The following COBL variants were observed in gnomAD, a reference collection of about 807,000 sequenced individuals.
COBL encodes the protein protein cordon-bleu.
COBL carries 51 observed loss-of-function variants against 98.8 expected under a neutral mutation model. The observed-to-expected ratio is 0.52, with a 90% CI of 0.41 to 0.65. The LOEUF (loss-of-function observed/expected upper bound fraction) is 0.65. Ranked by LOEUF, COBL falls within the 30% of genes least tolerant of loss-of-function variation. COBL has a pLI of 0.00. For synonymous variants in COBL, 634 were observed against 651.7 expected (o/e 0.97, Z 0.41); for missense variants, 1,617 against 1,617.5 (o/e 1.00, Z 0.01).
At chr7:51,078,640 A>C (rs904128257) in intron 7 of COBL, among the ~76,000 whole-genome samples, 3 of 152,236 alleles carry the variant, frequency 2.0e-5, no homozygotes, top group African/African-American at 4.8e-5. Flanking sequence ...ACTATTCCAT[A>C]GTTTCTGTGA....
chr7:51,296,746 C>G (rs1398091531), intron 1 of COBL, among the ~76,000 whole-genome samples: 1 of 152,154 alleles, frequency 6.6e-6, no homozygotes, highest in Non-Finnish European at 1.5e-5. Context: ...AGCTTGCTTT[C>G]AATCTGGGCT....
chr7:51,296,405 T>C (rs556523798), intron 1 of COBL, among the ~76,000 whole-genome samples: 1 of 152,344 alleles, frequency 6.6e-6, no homozygotes, highest in East Asian at 1.9e-4. Context: ...TGGGAGATGT[T>C]TGATTAAATG....
chr7:51,120,598 G>A (rs1472139205), intron 6 of COBL, among the ~76,000 whole-genome samples: 2 of 152,120 alleles, frequency 1.3e-5, no homozygotes, highest in Non-Finnish European at 2.9e-5. Context: ...TTTTCATCTT[G>A]TAAAACTGAA....
intron 6 of COBL, among the ~76,000 whole-genome samples, chr7:51,106,038 C>CAA (rs527330225): frequency 0.15 from 18,982 of 123,438 alleles, 1,574 homozygotes; most frequent in Middle Eastern, 0.21. Flanking sequence ...ACTAAAAATA[C>CAA]AAAAAAAAAA....
At chr7:51,240,617 G>T (rs547266934) in intron 1 of COBL, among the ~76,000 whole-genome samples, 1 of 152,218 alleles carries the variant, frequency 6.6e-6, no homozygotes, top group African/African-American at 2.4e-5. Context: ...CGCGATCGCG[G>T]CTCACTACAA....
At chr7:51,087,798 T>TA (rs1794425195) in intron 6 of COBL, among the ~76,000 whole-genome samples, 1 of 147,064 alleles carries the variant, frequency 6.8e-6, no homozygotes, top group African/African-American at 2.5e-5. Context: ...TTTTTTTTTT[T>TA]AATTCTCTGC....
chr7:51,259,761 A>T, intron 1 of COBL: 1 of 747,814 alleles, frequency 1.3e-6, no homozygotes, highest in Non-Finnish European at 2.4e-6. Flanking sequence ...CAGATCACAT[A>T]AGTTTCCACT....
chr7:51,108,257 G>C (rs1215605426), intron 6 of COBL, among the ~76,000 whole-genome samples: 1 of 152,200 alleles, frequency 6.6e-6, no homozygotes, highest in African/African-American at 2.4e-5. Context: ...GGCTCTGCCT[G>C]TTTTGGGGCT....
chr7:51,274,098 T>C (rs1563114548), intron 1 of COBL, among the ~76,000 whole-genome samples: 2 of 152,154 alleles, frequency 1.3e-5, no homozygotes, highest in Non-Finnish European at 2.9e-5. Flanking sequence ...ATGCCTTAAG[T>C]GAGGCCCTCG....
At chr7:51,189,349 T>C (rs1789867936) in intron 4 of COBL, among the ~76,000 whole-genome samples, 1 of 151,980 alleles carries the variant, frequency 6.6e-6, no homozygotes. Context: ...TAAGAAAAAA[T>C]ATGGCCAGGC....
chr7:51,226,740 C>T (rs565705919), intron 1 of COBL, among the ~76,000 whole-genome samples: 4 of 152,278 alleles, frequency 2.6e-5, no homozygotes, highest in Admixed American at 2.0e-4. Flanking sequence ...GAGGAATCCT[C>T]GCATCCTGTA....
intron 1 of COBL, among the ~76,000 whole-genome samples, chr7:51,303,609 T>C (rs1320319592): frequency 1.3e-5 from 2 of 152,210 alleles, no homozygotes; most frequent in African/African-American, 2.4e-5. Context: ...CATGAGCACC[T>C]ATTTATTTAT....
At position 51,032,309 on chromosome 7, in the gene COBL, G is replaced by A. The variant is rs540882434; in HGVS notation, c.1407-1400C>T. 7.2e-5 allele frequency: 11 copies of A among 152,370 alleles called. No individual in the cohort carries two copies. The East Asian group carries it at 2.1e-3, about 29-fold the overall frequency. 9.4% of individuals were successfully genotyped at this position (152,370 alleles called of 1,614,324 possible). On this transcript the variant is annotated intron_variant, in intron 8 of 12. Transcript: ENST00000265136. ...GTCACAGGGACAATGGCATCTGTGA[G>A]ACAACTGCTGCCAAAACAATTTAAA...
At chr7:51,127,748 C>T (rs1798357694) in intron 6 of COBL, among the ~76,000 whole-genome samples, 1 of 152,156 alleles carries the variant, frequency 6.6e-6, no homozygotes, top group Non-Finnish European at 1.5e-5. Context: ...GGGTGTTTTA[C>T]TTAAGAGCAG....
intron 1 of COBL, among the ~76,000 whole-genome samples, chr7:51,308,179 T>C (rs554124778): frequency 1.3e-5 from 2 of 152,332 alleles, no homozygotes; most frequent in Admixed American, 1.3e-4. Flanking sequence ...CTAGTGGATT[T>C]TGCACTTAAT....
Position 51,029,275 on chromosome 7 carries a change from G to C in COBL, c.1821C>G (p.Val607=). The C allele has an allele frequency of 6.2e-7, 1 of 1,608,086 alleles. No individual in the cohort carries two copies. Among genetic ancestry groups the C allele is most frequent in the Non-Finnish European group, 8.5e-7 (1 of 1,176,522 alleles). The change falls in exon 10 of 13, where the codon GTC becomes GTG. Residue 607 remains valine (V), a synonymous_variant. Transcript: ENST00000265136. ...VPALHPASHD[V]GKGIRVALSN... ...ATAAGGCCACACGGATTCCTTTTCC[G>C]ACGTCATGGGAAGCGGGGTGCAGGG... is the stretch of plus-strand genomic sequence containing the variant.
Position 51,190,890 on chromosome 7 carries a change from C to T in COBL, c.645G>A (p.Glu215=), listed in dbSNP as rs1445452823. 1.9e-6 allele frequency: 3 copies of T among 1,613,964 alleles called. No individual in the cohort carries two copies. The highest frequency in any genetic ancestry group is 1.3e-5 in the African/African-American group (1 of 74,900). Residue 215 remains glutamate, a synonymous_variant, in exon 4 of 13, where the codon GAG becomes GAA. Transcript: ENST00000265136. ...ACGCGTAGAGCTCCTTTATCCCGAG[C>T]TCGTTCAGGGACTTGGACAGCTCCA... ...EELELSKSLN[E]LGIKELYAWD...
intron 5 of COBL, among the ~76,000 whole-genome samples, chr7:51,144,399 C>T (rs1202310995): frequency 2.0e-5 from 3 of 152,092 alleles, no homozygotes; most frequent in South Asian, 2.1e-4. Flanking sequence ...GGCAGAGGTT[C>T]GAAAACTCAG....
rs35617183 is a variant in COBL at position 51,086,984 on chromosome 7, AT to A, written c.958-1681del. Among the ~76,000 whole-genome samples, 113 of 148,852 alleles carry A rather than the reference AT, an allele frequency of 7.6e-4. 1 individual carries two copies. The highest frequency in any genetic ancestry group is 2.3e-3 in the South Asian group (11 of 4,694). On this transcript the variant is annotated intron_variant, in intron 6 of 12. Coordinates refer to ENST00000265136, the MANE Select transcript of COBL (RefSeq NM_015198.5). ...CCCTCTCCAGCAGTAAGCATTTCAC[AT>A]TTTTTTTTTGGCATTTATTCCGTTT...
Sources: gnomAD v4.1 joint callset for allele counts (sites outside exome capture counted in the v4.1 genomes callset) on GRCh38, gnomAD v4.1.1 for gene constraint, MANE v1.5 for transcripts, NCBI Gene and HGNC (gene_info 2026-07-23, HGNC 2026-07-21) for gene names.